The following ATP6V0A1 variants were observed in gnomAD, a reference collection of about 807,000 sequenced individuals.
ATP6V0A1 encodes ATPase H+ transporting V0 subunit a1.
A neutral mutation model predicts 105.4 loss-of-function variants in ATP6V0A1; 43 were observed. That is an observed-to-expected ratio of 0.41 (90% CI 0.32 to 0.53). The LOEUF is 0.53. ATP6V0A1 is among the 20% of genes least tolerant of loss of function. ATP6V0A1 has a pLI of 0.30. For synonymous variants in ATP6V0A1, 362 were observed against 372.8 expected, an observed-to-expected ratio of 0.97 and a Z score of 0.33; for missense variants, 676 against 1,051.1, an observed-to-expected ratio of 0.64 and a Z score of 4.93.
At chr17:42,513,623 A>G (rs1400856304) in intron 19 of ATP6V0A1, 4 of 533,100 alleles carry the variant, frequency 7.5e-6, no homozygotes, top group African/African-American at 1.9e-5. Flanking sequence ...ATTGAGGGGA[A>G]TGGAGGTGTC....
rs182444503 is a variant in ATP6V0A1 at position 42,512,127 on chromosome 17, G to T, written c.2131-1734G>T. On this transcript the variant is annotated intron_variant, in intron 19 of 21. Coordinates refer to ENST00000343619, the MANE Select transcript of ATP6V0A1 (RefSeq NM_001130021.3). ...GGGACTCTGCAGCGATTCATGGTTGGTCATGGCCGATTGATACGGGCGTGT... is the reference window on the plus strand; with the variant it reads ...GGGACTCTGCAGCGATTCATGGTTGTTCATGGCCGATTGATACGGGCGTGT... 6.4e-4 allele frequency among the ~76,000 whole-genome samples: 98 copies of T among 152,278 alleles called. No homozygotes were observed. The Middle Eastern group carries it at 0.01, about 16-fold the overall frequency.
chr17:42,512,831 G>A (rs888958928), intron 19 of ATP6V0A1, among the ~76,000 whole-genome samples: 1 of 152,234 alleles, frequency 6.6e-6, no homozygotes, highest in African/African-American at 2.4e-5. Context: ...TGAGGGCAGG[G>A]GCCGATGGGG....
chr17:42,505,269 G>C (rs749376567), intron 17 of ATP6V0A1, among the ~76,000 whole-genome samples: 1 of 152,162 alleles, frequency 6.6e-6, no homozygotes, highest in Admixed American at 6.5e-5. Flanking sequence ...GCAGTGGCAC[G>C]ATCTTGGCTC....
chr17:42,505,036 C>CTT (rs1195871876), intron 17 of ATP6V0A1, among the ~76,000 whole-genome samples: 23 of 140,802 alleles, frequency 1.6e-4, no homozygotes, highest in Admixed American at 2.8e-4. Context: ...GTGATAATCA[C>CTT]TTTTTTTTTT....
In ATP6V0A1 at chr17:42,500,731, C is replaced by T. The variant is rs1365283881; in HGVS notation, c.1704C>T (p.Ile568=). ...GCTATTTCAAGAAGCCCCTGAATATCTACTTTGGATTTATTCCTGAAATAA... is the reference window on the plus strand; with the variant it reads ...GCTATTTCAAGAAGCCCCTGAATATTTACTTTGGATTTATTCCTGAAATAA... The part of the protein sequence containing the change: ...NHIYFKKPLN[I]YFGFIPEIIF... The change falls in exon 16 of 22, where the codon ATC becomes ATT. Residue 568 remains isoleucine (I), a synonymous_variant. Transcript: ENST00000343619. The T allele has an allele frequency of 1.9e-6, 3 of 1,613,556 alleles. No individual in the cohort carries two copies. The highest frequency in any genetic ancestry group is 2.5e-6 in the Non-Finnish European group (3 of 1,179,644).
intron 19 of ATP6V0A1, among the ~76,000 whole-genome samples, chr17:42,511,703 T>C (rs1036965220): frequency 3.9e-5 from 6 of 151,982 alleles, no homozygotes; most frequent in African/African-American, 1.4e-4. Flanking sequence ...GCGCGGGGGC[T>C]CACGCCTGTA....
intron 9 of ATP6V0A1, among the ~76,000 whole-genome samples, chr17:42,484,353 G>A (rs1274500861): frequency 1.3e-5 from 2 of 152,044 alleles, no homozygotes; most frequent in Admixed American, 6.6e-5. Flanking sequence ...CACCGCGCCC[G>A]GCTGATAGTT....
chr17:42,509,699 GTT>G (rs926284312), intron 19 of ATP6V0A1: 1 of 152,168 alleles, frequency 6.6e-6, no homozygotes, highest in Non-Finnish European at 1.5e-5. Flanking sequence ...CCTTTTAAAT[GTT>G]TTCCTAGCCG....
Position 42,478,526 on chromosome 17 carries a change from A to G in ATP6V0A1, c.570A>G (p.Val190=), listed in dbSNP as rs761449401. 2.5e-5 allele frequency: 40 copies of G among 1,610,416 alleles called. No homozygotes were observed. The highest frequency in any genetic ancestry group is 3.3e-5 in the Non-Finnish European group (39 of 1,177,958). The change falls in exon 7 of 22, where the codon GTA becomes GTG. Residue 190 remains valine (V), a synonymous_variant. Transcript: ENST00000343619. ...CTTTTGAGCGCATGCTTTGGCGGGT[A>G]TGCCGGGGAAATGTGTTCCTGCGAC... ...IPTFERMLWR[V]CRGNVFLRQA...
chr17:42,520,659 G>T (rs1393980135), intron 21 of ATP6V0A1: 2 of 452,544 alleles, frequency 4.4e-6, no homozygotes, highest in South Asian at 1.6e-5. Flanking sequence ...GCTTCCCTTA[G>T]AGGTGGGCTG....
At position 42,468,028 on chromosome 17, in the gene ATP6V0A1, T is replaced by C; in HGVS notation, c.215T>C (p.Ile72Thr). The C allele has an allele frequency of 1.9e-6, 3 of 1,604,516 alleles. No homozygotes were observed. Among genetic ancestry groups the C allele is most frequent in the Non-Finnish European group, 2.6e-6 (3 of 1,175,358 alleles). The change falls in exon 4 of 22, where the codon ATA (isoleucine) becomes ACA (threonine). Residue 72 changes from isoleucine to threonine, a missense_variant. By Grantham distance (89) the Ile-to-Thr change is moderately conservative. Around this residue, in one of 3 missense-constraint regions of ATP6V0A1, gnomAD observed 239 missense variants for 388.4 expected, o/e 0.62. Transcript: ENST00000343619. ...ATTTTAGGATTTGTTGAGAAAGAGA[T>C]AAGAAAAGCTAACATTCCGATTATG... ...DRKLRFVEKEIRKANIPIMDT... is the reference protein window; with the variant it reads ...DRKLRFVEKETRKANIPIMDT...
chr17:42,478,213 G>T (rs1348449177), intron 6 of ATP6V0A1, among the ~76,000 whole-genome samples: 1 of 130,058 alleles, frequency 7.7e-6, no homozygotes, highest in East Asian at 2.5e-4. Context: ...GCCTGTTGTG[G>T]GGTGGGGGGA....
At chr17:42,477,618 T>G in intron 5 of ATP6V0A1, 42 bp from the exon 6 acceptor site, 2 of 1,604,028 alleles carry the variant, frequency 1.2e-6, no homozygotes, top group Non-Finnish European at 1.7e-6. Flanking sequence ...TCATTAGATA[T>G]TAATTGATTT....
At chr17:42,512,669 C>T (rs1294986976) in intron 19 of ATP6V0A1, among the ~76,000 whole-genome samples, 3 of 152,224 alleles carry the variant, frequency 2.0e-5, no homozygotes, top group Non-Finnish European at 2.9e-5. Flanking sequence ...GCTGGCTGCA[C>T]CCCTGTGGCC....
At chr17:42,477,445 A>G (rs1016548036) in intron 5 of ATP6V0A1, among the ~76,000 whole-genome samples, 50 of 152,154 alleles carry the variant, frequency 3.3e-4, no homozygotes, top group Admixed American at 2.7e-3. Flanking sequence ...TACTGGGGCA[A>G]TTATGCTTTC....
intron 1 of ATP6V0A1, chr17:42,460,428 A>G (rs551036117): frequency 2.7e-4 from 42 of 157,902 alleles, no homozygotes; most frequent in Non-Finnish European, 5.1e-4. Context: ...AGACATCTTT[A>G]TGAGAGGGTA....
chr17:42,467,971 G>A (rs764451621), intron 3 of ATP6V0A1, 39 bp from the exon 4 acceptor site: 3 of 1,423,958 alleles, frequency 2.1e-6, no homozygotes, highest in Non-Finnish European at 2.9e-6. Flanking sequence ...TTACGAGCAT[G>A]TGCAGTTAGA....
chr17:42,508,474 A>G, intron 18 of ATP6V0A1, 98 bp from the exon 19 acceptor site: 1 of 1,505,002 alleles, frequency 6.6e-7, no homozygotes, highest in Non-Finnish European at 9.2e-7. Flanking sequence ...TTTAACATGA[A>G]CAGTCCTCCC....
intron 9 of ATP6V0A1, among the ~76,000 whole-genome samples, chr17:42,486,410 C>CA (rs921489486): frequency 4.9e-4 from 70 of 141,750 alleles, no homozygotes; most frequent in African/African-American, 5.7e-4. Flanking sequence ...GACTCCATCT[C>CA]AAAAAAAAAA....
Sources: allele counts gnomAD v4.1 joint callset (sites outside exome capture counted in the v4.1 genomes callset), GRCh38; gene constraint gnomAD v4.1.1; regional missense constraint gnomAD v4.1.1; transcripts MANE v1.5; gene names NCBI Gene and HGNC (gene_info 2026-07-23, HGNC 2026-07-21).